PIGN: variants seen among roughly 807,000 people sequenced by gnomAD.
PIGN encodes the protein GPI ethanolamine phosphate transferase 1.
In PIGN, 117 loss-of-function variants were observed where a neutral mutation model predicts 125.4. The observed-to-expected ratio is 0.93, with a 90% CI of 0.80 to 1.09. PIGN has a LOEUF of 1.09. PIGN is among the 50% of genes least tolerant of loss of function. The pLI, the probability that PIGN is intolerant of heterozygous loss-of-function variation, is 0.00. For synonymous variants in PIGN, 392 were observed against 377.8 expected (o/e 1.04, Z -0.44); for missense variants, 1,075 against 1,094.9 (o/e 0.98, Z 0.26).
chr18:62,119,303 C>T (rs1358630304), intron 14 of PIGN, among the ~76,000 whole-genome samples: 1 of 151,834 alleles, frequency 6.6e-6, no homozygotes, highest in East Asian at 1.9e-4. Flanking sequence ...AAAAAAGAAT[C>T]GAAACAAACT....
intron 28 of PIGN, among the ~76,000 whole-genome samples, chr18:62,081,460 T>C (rs2033443707): frequency 5.9e-5 from 9 of 152,226 alleles, no homozygotes; most frequent in Admixed American, 5.9e-4. Flanking sequence ...CAGTGACTTC[T>C]GAGTTTAAAG....
chr18:62,074,803 G>A lies in PIGN; in HGVS notation c.2595C>T (p.Leu865=), dbSNP rs775357090. ...CCAAAGCCATAATGTCTGATATGACGAGAACAATGAGAAAAAGGCTGGAAA... is the reference window on the plus strand; with the variant it reads ...CCAAAGCCATAATGTCTGATATGACAAGAACAATGAGAAAAAGGCTGGAAA... ...LSSKSLFLIV[L]VISDIMALHF... Residue 865 remains leucine (L), a synonymous_variant, in exon 29 of 31, where the codon CTC becomes CTT. Transcript: ENST00000640252. 19 of 1,604,374 alleles carry A rather than the reference G, an allele frequency of 1.2e-5. No homozygotes were observed. The highest frequency in any genetic ancestry group is 6.7e-5 in the East Asian group (3 of 44,636).
intron 27 of PIGN, among the ~76,000 whole-genome samples, chr18:62,083,667 A>C (rs1434422999): frequency 6.6e-6 from 1 of 152,146 alleles, no homozygotes; most frequent in Non-Finnish European, 1.5e-5. Context: ...ATTAAAGGCC[A>C]ATGGTCTTTA....
chr18:62,172,765 T>A (rs932660765), intron 1 of PIGN, among the ~76,000 whole-genome samples: 2 of 152,182 alleles, frequency 1.3e-5, no homozygotes, highest in African/African-American at 4.8e-5. Context: ...TTTACTGAAG[T>A]AACAAAACAT....
At chr18:62,134,489 C>T (rs975145573) in intron 14 of PIGN, among the ~76,000 whole-genome samples, 3 of 152,084 alleles carry the variant, frequency 2.0e-5, no homozygotes, top group Admixed American at 6.6e-5. Context: ...ACAATAGCAC[C>T]GCTACTATTC....
At chr18:62,115,180 T>G (rs2035041697) in intron 14 of PIGN, among the ~76,000 whole-genome samples, 1 of 152,216 alleles carries the variant, frequency 6.6e-6, no homozygotes, top group Non-Finnish European at 1.5e-5. Flanking sequence ...ACCTTCTTCG[T>G]TCCTCTTTCA....
intron 1 of PIGN, among the ~76,000 whole-genome samples, chr18:62,175,710 G>C (rs958221454): frequency 3.3e-5 from 5 of 152,176 alleles, no homozygotes; most frequent in African/African-American, 9.7e-5. Flanking sequence ...TGAAGGCAAT[G>C]ACTGTGTTTC....
chr18:62,099,877 T>C (rs537391252), intron 22 of PIGN, among the ~76,000 whole-genome samples: 1 of 152,068 alleles, frequency 6.6e-6, no homozygotes, highest in Admixed American at 6.5e-5. Context: ...AAGAAAACAT[T>C]TGGAAAACAC....
At chr18:62,067,804 G>A (rs2032611744) in intron 30 of PIGN, among the ~76,000 whole-genome samples, 1 of 152,180 alleles carries the variant, frequency 6.6e-6, no homozygotes, top group South Asian at 2.1e-4. Flanking sequence ...AAGTCTTTCA[G>A]CATACGTATG....
intron 23 of PIGN, among the ~76,000 whole-genome samples, chr18:62,034,844 A>C (rs2030237209): frequency 6.6e-6 from 1 of 152,166 alleles, no homozygotes; most frequent in African/African-American, 2.4e-5. Context: ...TACTGAAATG[A>C]ATTAAGACTT....
intron 22 of PIGN, among the ~76,000 whole-genome samples, chr18:62,098,803 A>G (rs1205225255): frequency 6.6e-6 from 1 of 152,178 alleles, no homozygotes; most frequent in African/African-American, 2.4e-5. Context: ...TTTAAAATAC[A>G]TGCCCAGAGA....
At chr18:62,156,915 A>G (rs538707972) in intron 6 of PIGN, among the ~76,000 whole-genome samples, 91 of 152,330 alleles carry the variant, frequency 6.0e-4, no homozygotes, top group Middle Eastern at 3.4e-3. Context: ...AATTGAATCC[A>G]AAATACTATC....
At chr18:62,182,243 T>C (rs927797746) in intron 1 of PIGN, among the ~76,000 whole-genome samples, 20 of 152,230 alleles carry the variant, frequency 1.3e-4, no homozygotes, top group Non-Finnish European at 2.2e-4. Context: ...TTACCTAATA[T>C]GCAAAAGCCT....
chr18:62,058,367 G>A (rs75118813), intron 30 of PIGN, among the ~76,000 whole-genome samples: 5,768 of 152,218 alleles, frequency 0.038, 365 homozygotes, highest in African/African-American at 0.13. Flanking sequence ...CCAAGTGACC[G>A]GAAAGTTCTA....
chr18:62,120,243 CA>C (rs2035248707), intron 14 of PIGN, among the ~76,000 whole-genome samples: 1 of 152,010 alleles, frequency 6.6e-6, no homozygotes, highest in Non-Finnish European at 1.5e-5. Context: ...TGCCTTCAAA[CA>C]AATGACATTA....
intron 23 of PIGN, among the ~76,000 whole-genome samples, chr18:62,028,328 A>C (rs185756738): frequency 6.6e-6 from 1 of 152,346 alleles, no homozygotes; most frequent in East Asian, 1.9e-4. Context: ...AGCTGTTTAC[A>C]CTTCCAAGGT....
intron 23 of PIGN, among the ~76,000 whole-genome samples, chr18:62,029,010 C>T (rs1005137817): frequency 6.6e-6 from 1 of 152,152 alleles, no homozygotes; most frequent in Non-Finnish European, 1.5e-5. Flanking sequence ...AGTTCTAGCA[C>T]AAAACAGACA....
chr18:62,092,089 T>G (rs2033987892), intron 23 of PIGN, among the ~76,000 whole-genome samples: 1 of 152,210 alleles, frequency 6.6e-6, no homozygotes, highest in Admixed American at 6.5e-5. Flanking sequence ...GAAGGAAAGA[T>G]TCAGGTTTCA....
intron 14 of PIGN, among the ~76,000 whole-genome samples, chr18:62,118,132 A>G (rs2035159236): frequency 6.6e-6 from 1 of 152,128 alleles, no homozygotes; most frequent in Non-Finnish European, 1.5e-5. Context: ...ATATATGTAT[A>G]CATGATATAG....
Sources: gnomAD v4.1 joint callset for allele counts (sites outside exome capture counted in the v4.1 genomes callset) on GRCh38, gnomAD v4.1.1 for gene constraint, MANE v1.5 for transcripts, NCBI Gene and HGNC (gene_info 2026-07-23, HGNC 2026-07-21) for gene names.